ALG5: variants seen among roughly 807,000 people sequenced by gnomAD.
The protein encoded by ALG5 is ALG5 dolichyl-phosphate beta-glucosyltransferase.
Under a neutral mutation model 51.8 loss-of-function variants are expected in ALG5, and 26 were observed. That is an observed-to-expected ratio of 0.50 (90% CI 0.37 to 0.70). The LOEUF (loss-of-function observed/expected upper bound fraction) is 0.70. Ranked by LOEUF, ALG5 falls within the 30% of genes least tolerant of loss-of-function variation. ALG5 has a pLI of 0.00. For missense variants in ALG5, 311 were observed against 399.3 expected, an observed-to-expected ratio of 0.78 and a Z score of 1.88; for synonymous variants, 141 against 136.1, an observed-to-expected ratio of 1.04 and a Z score of -0.25.
chr13:36,957,526 G>T (rs111383939), intron 8 of ALG5, among the ~76,000 whole-genome samples: 1 of 151,966 alleles, frequency 6.6e-6, no homozygotes. Flanking sequence ...CTTACACTGC[G>T]CCTGGAGGCC....
At chr13:36,962,779 CAT>C (rs1460990066) in intron 8 of ALG5, among the ~76,000 whole-genome samples, 2 of 152,162 alleles carry the variant, frequency 1.3e-5, no homozygotes, top group African/African-American at 4.8e-5. Context: ...CCCCTCAGCA[CAT>C]GAGGATACTG....
intron 4 of ALG5, 127 bp downstream of exon 4, chr13:36,993,477 G>T: frequency 1.3e-6 from 1 of 767,182 alleles, no homozygotes; most frequent in Admixed American, 2.2e-5. Flanking sequence ...CTGCTATCTA[G>T]ACTATAACAA....
chr13:36,990,314 G>A (rs950210749), intron 4 of ALG5, among the ~76,000 whole-genome samples: 4 of 152,110 alleles, frequency 2.6e-5, no homozygotes, highest in African/African-American at 7.2e-5. Context: ...TCCACATCCC[G>A]TTTCCTTGTA....
At chr13:36,964,490 G>A (rs190123469) in intron 8 of ALG5, among the ~76,000 whole-genome samples, 55 of 152,094 alleles carry the variant, frequency 3.6e-4, no homozygotes, top group Non-Finnish European at 2.4e-4. Flanking sequence ...CTGATGTCAG[G>A]GTTTCAGCTT....
At chr13:36,965,527 A>G in intron 8 of ALG5, 48 bp downstream of exon 8, 1 of 1,550,874 alleles carries the variant, frequency 6.4e-7, no homozygotes. Context: ...TACCTAGAAG[A>G]TGGCTGGGTC....
At chr13:36,957,924 TCCAGTC>T (rs1172619593) in intron 8 of ALG5, among the ~76,000 whole-genome samples, 2 of 152,102 alleles carry the variant, frequency 1.3e-5, no homozygotes, top group Non-Finnish European at 2.9e-5. Flanking sequence ...AAGGACTCTA[TCCAGTC>T]CTTTTATCTA....
At chr13:36,984,505 T>A (rs943488304) in intron 6 of ALG5, among the ~76,000 whole-genome samples, 14 of 142,606 alleles carry the variant, frequency 9.8e-5, no homozygotes, top group Admixed American at 5.2e-4. Context: ...AATACTTGCA[T>A]GTAATTTTGT....
At chr13:36,982,925 A>C (rs569359355) in intron 6 of ALG5, among the ~76,000 whole-genome samples, 1 of 152,368 alleles carries the variant, frequency 6.6e-6, no homozygotes, top group East Asian at 1.9e-4. Flanking sequence ...AAGGCTACGA[A>C]TTAATAGCTT....
At chr13:36,954,060 T>C (rs2058829451) in intron 8 of ALG5, among the ~76,000 whole-genome samples, 1 of 28,140 alleles carries the variant, frequency 3.6e-5, no homozygotes, top group Non-Finnish European at 6.0e-5. Context: ...AATCACCTTA[T>C]ATTAAAAAAA....
At chr13:36,983,007 T>G (rs971066068) in intron 6 of ALG5, among the ~76,000 whole-genome samples, 15 of 152,164 alleles carry the variant, frequency 9.9e-5, no homozygotes, top group Admixed American at 7.9e-4. Context: ...GGGATTATGA[T>G]AAGGAAAAAA....
In ALG5 at chr13:36,965,959, T is replaced by C. The variant is rs146547730; in HGVS notation, c.622-233A>G. ...GAAGCAGTTACTCATTTCCTGGAGG[T>C]TGAGTCAGACAAGCGGCCAGGGCTT... On this transcript the variant is annotated intron_variant, in intron 7 of 9. Transcript: ENST00000239891. Among the ~76,000 whole-genome samples, 508 of 152,222 alleles carry C rather than the reference T, an allele frequency of 3.3e-3. 3 individuals carry two copies. In the Middle Eastern group the frequency reaches 0.044, roughly 13 times the overall value.
chr13:36,983,605 A>G (rs2058989168), intron 6 of ALG5, among the ~76,000 whole-genome samples: 1 of 152,088 alleles, frequency 6.6e-6, no homozygotes, highest in Admixed American at 6.6e-5. Context: ...GCAACAAGTA[A>G]TTTAAATGTG....
Position 36,965,588 on chromosome 13 carries a change from G to A in ALG5, c.760C>T (p.His254Tyr). 6.2e-7 allele frequency: 1 copy of A among 1,612,828 alleles called. No homozygotes were observed. Among genetic ancestry groups the A allele is most frequent in the Non-Finnish European group, 8.5e-7 (1 of 1,179,466 alleles). The change falls in exon 8 of 10, where the codon CAC becomes TAC. Residue 254 changes from histidine to tyrosine, a missense_variant. Coordinates refer to ENST00000239891, the MANE Select transcript of ALG5 (RefSeq NM_013338.5). ...EAASRTFSSL[H>Y]VERWAFDVEL... is the part of the protein sequence containing the mutation. ...TCAGAAACCTACCATCGTTCAACGT[G>A]TAGAGATGAAAACGTCCGTGAAGCT...
chr13:36,983,982 A>G (rs936443052), intron 6 of ALG5, among the ~76,000 whole-genome samples: 4 of 152,216 alleles, frequency 2.6e-5, no homozygotes, highest in African/African-American at 9.6e-5. Flanking sequence ...GGTTTTTGCT[A>G]TAACAGGATC....
At chr13:36,991,926 C>A (rs1053264809) in intron 4 of ALG5, among the ~76,000 whole-genome samples, 1 of 152,162 alleles carries the variant, frequency 6.6e-6, no homozygotes, top group Admixed American at 6.5e-5. Flanking sequence ...AACCACCATG[C>A]CCAGCCCAGA....
intron 6 of ALG5, among the ~76,000 whole-genome samples, chr13:36,978,248 C>T (rs1235333900): frequency 1.4e-5 from 2 of 145,644 alleles, no homozygotes; most frequent in African/African-American, 2.5e-5. Flanking sequence ...AGTGCAGTGG[C>T]ACAATCTCAG....
intron 4 of ALG5, among the ~76,000 whole-genome samples, chr13:36,991,015 T>C (rs761923344): frequency 6.6e-6 from 1 of 152,234 alleles, no homozygotes; most frequent in Non-Finnish European, 1.5e-5. Context: ...CCCTCAGTGA[T>C]GACTTATGGC....
intron 1 of ALG5, chr13:36,998,674 G>C (rs752692957): frequency 6.6e-6 from 1 of 152,340 alleles, no homozygotes; most frequent in Non-Finnish European, 1.5e-5. Context: ...CCCGGACAAG[G>C]CGCCTGAGGC....
chr13:36,995,448 G>C lies in ALG5; in HGVS notation c.215C>G (p.Pro72Arg), dbSNP rs1440237646. 6.2e-7 allele frequency: 1 copy of C among 1,612,556 alleles called. No homozygotes were observed. Among genetic ancestry groups the C allele is most frequent in the Non-Finnish European group, 8.5e-7 (1 of 1,179,692 alleles). ...ACACCGTTTTTCTTCATTGTATGAAGGCACAACGACAGAAAGTTGTTTGGT... is the reference window on the plus strand; with the variant it reads ...ACACCGTTTTTCTTCATTGTATGAACGCACAACGACAGAAAGTTGTTTGGT... Reference protein sequence around the residue: ...SPTKQLSVVVPSYNEEKRLPV... With the variant: ...SPTKQLSVVVRSYNEEKRLPV... Residue 72 changes from proline (P) to arginine (R), a missense_variant, in exon 2 of 10, where the codon CCT (proline) becomes CGT (arginine). Pro to Arg is a moderately radical substitution (Grantham distance 103, BLOSUM62 -2). Transcript: ENST00000239891.
Sources: gnomAD v4.1 joint callset for allele counts (sites outside exome capture counted in the v4.1 genomes callset) on GRCh38, gnomAD v4.1.1 for gene constraint, MANE v1.5 for transcripts, NCBI Gene and HGNC (gene_info 2026-07-23, HGNC 2026-07-21) for gene names.